The following KIF1A variants were observed in gnomAD, a reference collection of about 807,000 sequenced individuals.
KIF1A encodes the protein kinesin family member 1A, also known as kinesin-like protein KIF1A.
A neutral mutation model predicts 227.3 loss-of-function variants in KIF1A; 46 were observed. The observed-to-expected ratio is 0.20, with a 90% CI of 0.16 to 0.26. The LOEUF (loss-of-function observed/expected upper bound fraction) is 0.26. Ranked by LOEUF, KIF1A falls within the 10% of genes least tolerant of loss-of-function variation. The pLI is 1.00. For synonymous variants in KIF1A, 1,022 were observed against 1,012.8 expected (o/e 1.01, Z -0.17); for missense variants, 1,683 against 2,485.9 (o/e 0.68, Z 6.87).
Position 240,737,127 on chromosome 2 carries a change from C to T in KIF1A, c.3943G>A (p.Asp1315Asn), listed in dbSNP as rs749879166. ...NTPETDESLIDPNILSLNILS... is the reference protein window; with the variant it reads ...NTPETDESLINPNILSLNILS... ...ATGTTGAGAGACAAGATGTTGGGGT[C>T]GATCAGGGACTCGTCGGTCTCTGGA... is the stretch of plus-strand genomic sequence containing the variant. The change falls in exon 38 of 49, where the codon GAC becomes AAC. Residue 1315 changes from aspartate to asparagine, a missense_variant. By Grantham distance (23) the Asp-to-Asn change is conservative (BLOSUM62 1). Transcript: ENST00000498729. The T allele has an allele frequency of 9.9e-6, 16 of 1,613,592 alleles. No homozygotes were observed. The highest frequency in any genetic ancestry group is 4.4e-5 in the South Asian group (4 of 91,052).
At chr2:240,764,514 C>T (rs992010057) in intron 20 of KIF1A, among the ~76,000 whole-genome samples, 3 of 152,178 alleles carry the variant, frequency 2.0e-5, no homozygotes, top group Non-Finnish European at 4.4e-5. Context: ...TCCTGAGTCC[C>T]GAAGACTCCT....
chr2:240,760,966 C>T (rs1038879306), intron 24 of KIF1A, 123 bp from the exon 25 acceptor site: 205 of 1,051,592 alleles, frequency 1.9e-4, no homozygotes, highest in Non-Finnish European at 2.7e-4. Context: ...TTCACTGGAA[C>T]CTTTCAGACA....
chr2:240,747,085 G>A, intron 29 of KIF1A, 151 bp downstream of exon 29: 1 of 590,826 alleles, frequency 1.7e-6, no homozygotes, highest in Non-Finnish European at 3.1e-6. Context: ...TAGAGATGGG[G>A]CAGGCTCAGT....
chr2:240,778,674 C>T lies in KIF1A; in HGVS notation c.883-2748G>A, dbSNP rs909107512. Among the ~76,000 whole-genome samples, 2 of 151,714 alleles carry T rather than the reference C, an allele frequency of 1.3e-5. No homozygotes were observed. Among genetic ancestry groups the T allele is most frequent in the African/African-American group, 2.4e-5 (1 of 41,314 alleles). On this transcript the variant is annotated intron_variant, in intron 10 of 48. Transcript: ENST00000498729. The surrounding 1 kb of genome is among the most constrained non-coding windows in gnomAD (Gnocchi z 7.2). ...TCCTCCCGGTTCCCACAGCTCCACG[C>T]GGCGCCCAGCAGGTCCCCGCAGCTT...
In KIF1A at chr2:240,783,790, C is replaced by T. The variant is rs750443593; in HGVS notation, c.747G>A (p.Leu249=). ...EKVSKISLVD[L]AGSERADSTG... is the part of the protein sequence containing the mutation. ...TGGAGTCAGCCCGCTCGCTCCCAGC[C>T]AGGTCCACCAGGCTGATTTTGCTCA... Residue 249 remains leucine (L), a synonymous_variant, in exon 8 of 49, where the codon CTG becomes CTA. Coordinates refer to ENST00000498729, the MANE Select transcript of KIF1A (RefSeq NM_001244008.2). The T allele has an allele frequency of 2.5e-6, 4 of 1,591,562 alleles. No individual in the cohort carries two copies. The highest frequency in any genetic ancestry group is 3.4e-6 in the Non-Finnish European group (4 of 1,169,334).
rs1410482168 is a variant in KIF1A, at chr2:240,745,412, T to G, written c.3465+15A>C. 6.3e-7 allele frequency: 1 copy of G among 1,595,172 alleles called. No homozygotes were observed. The highest frequency in any genetic ancestry group is 1.1e-5 in the South Asian group (1 of 90,528). ...AGTCAGTGGCAGGGATGGGGAGAAG[T>G]GCCCAGGAACGTACGTTCTGGACGT... On this transcript the variant is annotated intron_variant, in intron 32 of 48. Transcript: ENST00000498729.
chr2:240,731,886 AG>A (rs1559483886), intron 38 of KIF1A, among the ~76,000 whole-genome samples: 155 of 2,988 alleles, frequency 0.052, no homozygotes, highest in Non-Finnish European at 0.076. Flanking sequence ...GTAAGGGATG[AG>A]GGGAGGAGGG....
Position 240,765,806 on chromosome 2 carries a change from T to G in KIF1A, c.1685-13A>C, listed in dbSNP as rs575193535. ...AAGGTCACCACAGCTACAGGAAAGGTGGGAGGGGCAGAGAGGAGGACTATG... is the reference window on the plus strand; with the variant it reads ...AAGGTCACCACAGCTACAGGAAAGGGGGGAGGGGCAGAGAGGAGGACTATG... On this transcript the variant is annotated splice_polypyrimidine_tract_variant and intron_variant, in intron 19 of 48. Coordinates refer to ENST00000498729, the MANE Select transcript of KIF1A (RefSeq NM_001244008.2). 1.4e-4 allele frequency: 230 copies of G among 1,607,998 alleles called. No homozygotes were observed. Among genetic ancestry groups the G allele is most frequent in the Non-Finnish European group, 1.8e-4 (217 of 1,175,138 alleles).
chr2:240,744,093 C>T (rs1290715077), intron 32 of KIF1A, 33 bp from the exon 33 acceptor site: 2 of 1,402,270 alleles, frequency 1.4e-6, no homozygotes, highest in East Asian at 4.6e-5. Context: ...GACAGGAGGG[C>T]ACGGCCAGGT....
chr2:240,772,463 A>T, intron 14 of KIF1A, 107 bp downstream of exon 14: 1 of 908,872 alleles, frequency 1.1e-6, no homozygotes, highest in Non-Finnish European at 1.7e-6. Context: ...AGAAGAAAGC[A>T]GAGCAGGTAC....
upstream of KIF1A, among the ~76,000 whole-genome samples, chr2:240,821,001 C>T (rs2058671844): frequency 6.6e-6 from 1 of 152,192 alleles, no homozygotes; most frequent in Admixed American, 6.5e-5. Context: ...CTGCGTCACC[C>T]GCCCCCAGCC....
intron 29 of KIF1A, among the ~76,000 whole-genome samples, chr2:240,746,701 G>A (rs1450474377): frequency 6.6e-6 from 1 of 152,194 alleles, no homozygotes. Context: ...AGTGTGGCAT[G>A]GGGTGCACTT....
chr2:240,728,522 TGCAC>T (rs1026291654), intron 38 of KIF1A: 13 of 659,000 alleles, frequency 2.0e-5, no homozygotes, highest in Non-Finnish European at 3.2e-5. Context: ...GTTCGGCAGG[TGCAC>T]GCCGGATCTC....
chr2:240,791,041 C>G (rs1027622013), intron 2 of KIF1A, among the ~76,000 whole-genome samples: 1 of 152,170 alleles, frequency 6.6e-6, no homozygotes, highest in African/African-American at 2.4e-5. Context: ...CCTGCGCCCC[C>G]ATCCCAGGCC....
chr2:240,718,946 G>T, intron 47 of KIF1A, 60 bp downstream of exon 47: 1 of 1,375,306 alleles, frequency 7.3e-7, no homozygotes, highest in South Asian at 1.2e-5. Context: ...GAGGATGGTG[G>T]CTCAGCTCCT....
rs144143950 is a variant in KIF1A at position 240,794,297 on chromosome 2, T to C, written c.106+3350A>G. ...CACCACTGGTTTGCTTTCTCCAAAA[T>C]GAAAACAGCTTTCCTAGAGATTTTT... is the stretch of plus-strand genomic sequence containing the variant. On this transcript the variant is annotated intron_variant, in intron 2 of 48. Coordinates refer to ENST00000498729, the MANE Select transcript of KIF1A (RefSeq NM_001244008.2). 6.3e-3 allele frequency among the ~76,000 whole-genome samples: 957 copies of C among 152,360 alleles called. 9 individuals carry two copies. Among genetic ancestry groups the C allele is most frequent in the African/African-American group, 0.022 (907 of 41,582 alleles).
In KIF1A at chr2:240,716,681, T is replaced by G. The variant is rs908279794; in HGVS notation, c.*683A>C. The stretch of plus-strand genomic sequence containing the variant: ...CCCACCAGAGGAACTCACACCACCC[T>G]CCATGCCGCGCAGACTTCAGGCACC... On this transcript the variant is annotated 3_prime_UTR_variant, in exon 49 of 49. Transcript: ENST00000498729. 1 of 152,138 alleles carries G rather than the reference T, an allele frequency of 6.6e-6. No individual in the cohort carries two copies. The highest frequency in any genetic ancestry group is 2.4e-5 in the African/African-American group (1 of 41,334). 9.4% of individuals were successfully genotyped at this position (152,138 alleles called of 1,614,324 possible).
chr2:240,798,718 T>C (rs933483601), intron 1 of KIF1A, among the ~76,000 whole-genome samples: 1 of 152,252 alleles, frequency 6.6e-6, no homozygotes, highest in Non-Finnish European at 1.5e-5. Context: ...AGCCAGATGC[T>C]GCTGCTTCCC....
In KIF1A at chr2:240,713,806, G is replaced by A. The variant is rs2044367244; in HGVS notation, c.*3558C>T. Reference sequence around the variant, plus strand: ...GCCACATTTATTTCTTAATTGGACAGAGCCTCAAGTGCACGCACAGTACAG... The same window carrying A: ...GCCACATTTATTTCTTAATTGGACAAAGCCTCAAGTGCACGCACAGTACAG... On this transcript the variant is annotated 3_prime_UTR_variant, in exon 49 of 49. Coordinates refer to ENST00000498729, the MANE Select transcript of KIF1A (RefSeq NM_001244008.2). The A allele has an allele frequency of 6.5e-6, 1 of 152,808 alleles. No homozygotes were observed. The highest frequency in any genetic ancestry group is 1.5e-5 in the Non-Finnish European group (1 of 68,086). The allele number at this position is 152,808 out of a possible 1,614,324, so 9.5% of individuals were successfully genotyped here.
Sources: allele counts gnomAD v4.1 joint callset (sites outside exome capture counted in the v4.1 genomes callset), GRCh38; gene constraint gnomAD v4.1.1; non-coding constraint Gnocchi (gnomAD v3.1); transcripts MANE v1.5; gene names NCBI Gene and HGNC (gene_info 2026-07-23, HGNC 2026-07-21).